Variants in GABRG3 observed in about 807,000 individuals in gnomAD.
The protein encoded by GABRG3 is gamma-aminobutyric acid type A receptor subunit gamma3.
GABRG3 carries 25 observed loss-of-function variants against 48.8 expected under a neutral mutation model. The ratio of observed to expected loss-of-function variants is 0.51; its 90% CI spans 0.37 to 0.72. The LOEUF is 0.72. Ranked by LOEUF, GABRG3 falls within the 30% of genes least tolerant of loss-of-function variation. The pLI is 0.00. For missense variants in GABRG3, 394 were observed against 577.9 expected, an observed-to-expected ratio of 0.68 and a Z score of 3.26; for synonymous variants, 227 against 217.6, an observed-to-expected ratio of 1.04 and a Z score of -0.38.
chr15:27,046,413 C>A (rs1595491875), intron 3 of GABRG3, among the ~76,000 whole-genome samples: 1 of 152,176 alleles, frequency 6.6e-6, no homozygotes, highest in South Asian at 2.1e-4. Context: ...CCCTTATATA[C>A]TTCTTAAAGT....
At chr15:27,473,665 G>A (rs1175817237) in intron 5 of GABRG3, among the ~76,000 whole-genome samples, 5 of 152,028 alleles carry the variant, frequency 3.3e-5, no homozygotes, top group Admixed American at 3.3e-4. Context: ...TTTTATCATA[G>A]GTTGATAAGT....
At chr15:27,377,936 G>C (rs1242657647) in intron 5 of GABRG3, among the ~76,000 whole-genome samples, 1 of 152,120 alleles carries the variant, frequency 6.6e-6, no homozygotes, top group Non-Finnish European at 1.5e-5. Context: ...ACAAGATTTG[G>C]GGAATTCAGA....
rs1440577591 is a variant in GABRG3 at position 27,180,238 on chromosome 15, T to C, written c.271-146571T>C. Among the ~76,000 whole-genome samples, 1 of 152,052 alleles carries C rather than the reference T, an allele frequency of 6.6e-6. No homozygotes were observed. The highest frequency in any genetic ancestry group is 1.9e-4 in the East Asian group (1 of 5,182). Reference sequence around the variant, plus strand: ...CTTAGCACGGTCTAAATAAAGTTTGTAAACCACTGATGTAGAAGAGGGAGT... The same window carrying C: ...CTTAGCACGGTCTAAATAAAGTTTGCAAACCACTGATGTAGAAGAGGGAGT... On this transcript the variant is annotated intron_variant, in intron 3 of 9. Transcript: ENST00000615808. This position sits in a 1 kb window ranked among gnomAD's most constrained non-coding sequence, Gnocchi z 4.2.
chr15:27,245,959 A>G (rs150987523), intron 3 of GABRG3, among the ~76,000 whole-genome samples: 1 of 152,314 alleles, frequency 6.6e-6, no homozygotes, highest in African/African-American at 2.4e-5. Flanking sequence ...GACCTCAGGA[A>G]GCACTTAATC....
chr15:27,468,373 T>G (rs1158448759), intron 5 of GABRG3, among the ~76,000 whole-genome samples: 3 of 152,208 alleles, frequency 2.0e-5, no homozygotes, highest in Non-Finnish European at 4.4e-5. Flanking sequence ...CACCCATTTT[T>G]ACAACAAATA....
At chr15:27,308,936 A>G (rs968457997) in intron 3 of GABRG3, among the ~76,000 whole-genome samples, 1 of 144,910 alleles carries the variant, frequency 6.9e-6, no homozygotes, top group Non-Finnish European at 1.5e-5. Context: ...ATGAAAACAC[A>G]TATAATGTAA....
At chr15:27,307,165 T>C (rs1222054258) in intron 3 of GABRG3, among the ~76,000 whole-genome samples, 1 of 137,954 alleles carries the variant, frequency 7.2e-6, no homozygotes, top group Admixed American at 7.6e-5. Context: ...TAAAAACATG[T>C]TTATACATAA....
chr15:27,086,757 T>G (rs1283515277), intron 3 of GABRG3, among the ~76,000 whole-genome samples: 1 of 152,300 alleles, frequency 6.6e-6, no homozygotes, highest in East Asian at 1.9e-4. Flanking sequence ...AGATTGAAAA[T>G]GTTTTGTTTG....
intron 3 of GABRG3, among the ~76,000 whole-genome samples, chr15:27,129,037 T>C (rs975952472): frequency 5.3e-5 from 8 of 152,152 alleles, no homozygotes; most frequent in Admixed American, 2.6e-4. Flanking sequence ...AGGGTAAAAA[T>C]ATACATAACA....
At position 27,448,391 on chromosome 15, in the gene GABRG3, C is replaced by A. The variant is rs113687786; in HGVS notation, c.575-32259C>A. 1.7e-4 allele frequency among the ~76,000 whole-genome samples: 26 copies of A among 152,220 alleles called. 1 individual carries two copies. The highest frequency in any genetic ancestry group is 7.8e-4 in the Admixed American group (12 of 15,288). On this transcript the variant is annotated intron_variant, in intron 5 of 9. Transcript: ENST00000615808. ...GTAGAAGACATGGCATGGAAGAATA[C>A]AAGGAGGAATCACGTGTAAATGCAA...
chr15:27,404,366 T>A (rs1375893305), intron 5 of GABRG3, among the ~76,000 whole-genome samples: 2 of 152,206 alleles, frequency 1.3e-5, no homozygotes, highest in Non-Finnish European at 2.9e-5. Context: ...CACTGGTAGC[T>A]GTGACCTGCA....
rs1056748221 is a variant in GABRG3, at chr15:27,326,162, C to CT, written c.271-644dup. On this transcript the variant is annotated intron_variant, in intron 3 of 9. Coordinates refer to ENST00000615808, the MANE Select transcript of GABRG3 (RefSeq NM_033223.5). ...CACTGCAGTGGCTTCAACCCTGGGC[C>CT]TTTGCCTCTGTAATTTGTACCTCTT... Among the ~76,000 whole-genome samples, 217 of 152,252 alleles carry CT rather than the reference C, an allele frequency of 1.4e-3. 1 individual carries two copies. The highest frequency in any genetic ancestry group is 5.1e-3 in the African/African-American group (210 of 41,540).
intron 3 of GABRG3, among the ~76,000 whole-genome samples, chr15:27,226,927 C>G (rs1237387428): frequency 6.6e-6 from 1 of 152,186 alleles, no homozygotes; most frequent in Admixed American, 6.5e-5. Context: ...AAAAGCCAGG[C>G]CTCTGCCTCC....
intron 3 of GABRG3, among the ~76,000 whole-genome samples, chr15:27,265,662 C>T (rs913320725): frequency 6.6e-6 from 1 of 152,168 alleles, no homozygotes; most frequent in African/African-American, 2.4e-5. Flanking sequence ...GCGAGCACTT[C>T]CATTCCAGCT....
At chr15:27,165,909 G>C (rs1326721629) in intron 3 of GABRG3, among the ~76,000 whole-genome samples, 2 of 152,094 alleles carry the variant, frequency 1.3e-5, no homozygotes, top group Non-Finnish European at 2.9e-5. Flanking sequence ...TTCTAGGTAG[G>C]GGTGGGCATG....
chr15:27,334,291 C>A (rs904553048), intron 5 of GABRG3, among the ~76,000 whole-genome samples: 1 of 151,664 alleles, frequency 6.6e-6, no homozygotes, highest in Non-Finnish European at 1.5e-5. Flanking sequence ...CACACATACA[C>A]ACACAGGCAC....
At chr15:27,338,512 C>T (rs543161489) in intron 5 of GABRG3, among the ~76,000 whole-genome samples, 23 of 152,250 alleles carry the variant, frequency 1.5e-4, no homozygotes, top group African/African-American at 4.6e-4. Context: ...TTGATTCAGA[C>T]GCTGGTTCAC....
intron 3 of GABRG3, among the ~76,000 whole-genome samples, chr15:27,256,238 CA>C (rs1566982143): frequency 6.6e-6 from 1 of 151,812 alleles, no homozygotes. Flanking sequence ...GTCAGGAGAT[CA>C]AGACCATCCT....
intron 3 of GABRG3, among the ~76,000 whole-genome samples, chr15:27,199,058 T>C (rs953378044): frequency 9.9e-5 from 15 of 152,056 alleles, no homozygotes; most frequent in African/African-American, 3.6e-4. Context: ...GATGGGTTGA[T>C]GGGTGCAGCA....
Sources: allele counts gnomAD v4.1 joint callset (sites outside exome capture counted in the v4.1 genomes callset), GRCh38; gene constraint gnomAD v4.1.1; non-coding constraint Gnocchi (gnomAD v3.1); transcripts MANE v1.5; gene names NCBI Gene and HGNC (gene_info 2026-07-23, HGNC 2026-07-21).